Variants in ACAD11 observed in about 807,000 individuals in gnomAD.
ACAD11 encodes the protein acyl-Coenzyme A dehydrogenase family, member 11.
In ACAD11, 83 loss-of-function variants were observed where a neutral mutation model predicts 102.2. The ratio of observed to expected loss-of-function variants is 0.81; its 90% CI spans 0.68 to 0.97. The LOEUF is 0.97. ACAD11 is among the 50% of genes least tolerant of loss of function. The pLI is 0.00. For missense variants in ACAD11, 901 were observed against 951.7 expected (o/e 0.95, Z 0.70); for synonymous variants, 324 against 319.8 (o/e 1.01, Z -0.14).
At chr3:132,569,149 A>C (rs1937305391) in intron 17 of ACAD11, among the ~76,000 whole-genome samples, 1 of 152,198 alleles carries the variant, frequency 6.6e-6, no homozygotes, top group South Asian at 2.1e-4. Flanking sequence ...TCAAAATTCA[A>C]AGTAAAAAAA....
intron 13 of ACAD11, among the ~76,000 whole-genome samples, chr3:132,582,294 A>G (rs1937613454): frequency 6.6e-6 from 1 of 151,748 alleles, no homozygotes; most frequent in Non-Finnish European, 1.5e-5. Flanking sequence ...AAAATATTTT[A>G]TCTACAATTA....
chr3:132,585,367 G>A (rs1019339781), intron 13 of ACAD11, among the ~76,000 whole-genome samples: 2 of 152,288 alleles, frequency 1.3e-5, no homozygotes, highest in Middle Eastern at 3.4e-3. Flanking sequence ...AGACTTACGT[G>A]TTAGACCTAA....
chr3:132,585,674 G>A (rs1210802352), intron 13 of ACAD11, among the ~76,000 whole-genome samples: 2 of 152,036 alleles, frequency 1.3e-5, no homozygotes, highest in Admixed American at 6.6e-5. Flanking sequence ...TCAAAAAGTG[G>A]GCAAAGGATA....
chr3:132,641,135 T>C (rs1277320117), intron 4 of ACAD11, among the ~76,000 whole-genome samples: 1 of 152,198 alleles, frequency 6.6e-6, no homozygotes, highest in Non-Finnish European at 1.5e-5. Context: ...AAAATGACCA[T>C]AAGTTCCTGT....
intron 13 of ACAD11, among the ~76,000 whole-genome samples, chr3:132,587,511 A>G (rs1937892737): frequency 2.0e-5 from 3 of 151,746 alleles, no homozygotes. Flanking sequence ...TTAATGTTTT[A>G]TTTTTCTTGA....
chr3:132,600,436 T>C (rs755793042), intron 13 of ACAD11: 13 of 1,608,320 alleles, frequency 8.1e-6, no homozygotes, highest in Middle Eastern at 1.7e-4. Flanking sequence ...ATTATTATTA[T>C]GAGGAAAATG....
intron 11 of ACAD11, among the ~76,000 whole-genome samples, chr3:132,611,772 T>C (rs778488031): frequency 2.0e-5 from 3 of 151,874 alleles, no homozygotes; most frequent in African/African-American, 7.3e-5. Context: ...GTAGGAAGAA[T>C]CAATATAGTG....
intron 17 of ACAD11, among the ~76,000 whole-genome samples, chr3:132,574,954 C>G (rs1024777504): frequency 6.6e-6 from 1 of 152,192 alleles, no homozygotes; most frequent in Non-Finnish European, 1.5e-5. Context: ...CCTGCCTCAG[C>G]CTCCCCAGTA....
chr3:132,575,364 C>A (rs1280431618), intron 17 of ACAD11, among the ~76,000 whole-genome samples: 1 of 152,158 alleles, frequency 6.6e-6, no homozygotes, highest in Non-Finnish European at 1.5e-5. Flanking sequence ...CATGTTTCTC[C>A]TTTCCCTGAG....
intron 16 of ACAD11, 88 bp from the exon 17 acceptor site, chr3:132,576,014 A>C: frequency 6.8e-7 from 1 of 1,469,620 alleles, no homozygotes; most frequent in East Asian, 2.3e-5. Flanking sequence ...GAAAGAGATG[A>C]GCTGCCCTTA....
chr3:132,642,165 T>C (rs1315894346), intron 3 of ACAD11, 32 bp from the exon 4 acceptor site: 1 of 1,580,566 alleles, frequency 6.3e-7, no homozygotes, highest in African/African-American at 1.3e-5. Context: ...ATTATTTAAA[T>C]GTGTATAATC....
chr3:132,579,593 G>A (rs1265028863), intron 13 of ACAD11, 35 bp from the exon 14 acceptor site: 2 of 1,583,130 alleles, frequency 1.3e-6, no homozygotes. Context: ...GATTATAAAA[G>A]GAAATTTCTA....
intron 13 of ACAD11, among the ~76,000 whole-genome samples, chr3:132,589,425 T>A (rs1284935295): frequency 6.6e-6 from 1 of 152,358 alleles, no homozygotes; most frequent in East Asian, 1.9e-4. Context: ...TATGCAATCA[T>A]GCTTTGATTC....
Position 132,605,220 on chromosome 3 carries a change from G to T in ACAD11, c.1415-15C>A. ...ATTCCCTGTGTCTACACATAAAGAA[G>T]GAGTATTTGTTTTGCATTTGAAAAT... On this transcript the variant is annotated splice_polypyrimidine_tract_variant and intron_variant, in intron 11 of 19. Coordinates refer to ENST00000264990, the MANE Select transcript of ACAD11 (RefSeq NM_032169.5). 6.3e-7 allele frequency: 1 copy of T among 1,582,810 alleles called. No individual in the cohort carries two copies. Among genetic ancestry groups the T allele is most frequent in the Non-Finnish European group, 8.7e-7 (1 of 1,155,954 alleles).
chr3:132,635,562 T>C (rs1940240807), intron 5 of ACAD11, among the ~76,000 whole-genome samples: 1 of 152,198 alleles, frequency 6.6e-6, no homozygotes, highest in Non-Finnish European at 1.5e-5. Flanking sequence ...TGTATAACTC[T>C]GGACAAGTTA....
At position 132,583,545 on chromosome 3, in the gene ACAD11, T is replaced by C. The variant is rs535662902; in HGVS notation, c.1622-3987A>G. Among the ~76,000 whole-genome samples the C allele has an allele frequency of 6.4e-3, 968 of 152,258 alleles. 12 individuals are homozygous for C. Among genetic ancestry groups the C allele is most frequent in the Non-Finnish European group, 5.9e-3 (399 of 68,026 alleles). On this transcript the variant is annotated intron_variant, in intron 13 of 19. Coordinates refer to ENST00000264990, the MANE Select transcript of ACAD11 (RefSeq NM_032169.5). Reference sequence around the variant, plus strand: ...TTTGAAGGGTTTTTTGTGTCTCTATTTCCTTCAGTTCTGCTCTGATCTTAG... The same window carrying C: ...TTTGAAGGGTTTTTTGTGTCTCTATCTCCTTCAGTTCTGCTCTGATCTTAG...
intron 9 of ACAD11, among the ~76,000 whole-genome samples, 159 bp from the exon 10 acceptor site, chr3:132,619,704 C>G (rs1939540901): frequency 6.6e-6 from 1 of 152,096 alleles, no homozygotes; most frequent in Admixed American, 6.6e-5. Context: ...TAAAGGTTTG[C>G]TGATCACAAA....
At chr3:132,595,264 T>C (rs193158589) in intron 13 of ACAD11, among the ~76,000 whole-genome samples, 88 of 152,224 alleles carry the variant, frequency 5.8e-4, no homozygotes, top group African/African-American at 1.0e-3. Flanking sequence ...AAAGCCCTGA[T>C]AGGATTGTGA....
chr3:132,612,060 A>G (rs1939177578), intron 11 of ACAD11, among the ~76,000 whole-genome samples: 1 of 152,042 alleles, frequency 6.6e-6, no homozygotes, highest in African/African-American at 2.4e-5. Context: ...GAGCCCTCAG[A>G]AATAATGCCG....
Sources: gnomAD v4.1 joint callset for allele counts (sites outside exome capture counted in the v4.1 genomes callset) on GRCh38, gnomAD v4.1.1 for gene constraint, MANE v1.5 for transcripts, NCBI Gene and HGNC (gene_info 2026-07-23, HGNC 2026-07-21) for gene names.